Variants in CLRN1 observed in about 807,000 individuals in gnomAD.
CLRN1 encodes clarin 1, also known as clarin-1.
CLRN1 carries 15 observed loss-of-function variants against 18.7 expected under a neutral mutation model. The observed-to-expected ratio is 0.80, with a 90% CI of 0.54 to 1.23. The LOEUF (loss-of-function observed/expected upper bound fraction) is 1.23. Ranked by LOEUF, CLRN1 falls within the 50% of genes most tolerant of loss-of-function variation. The pLI is 0.00. For synonymous variants in CLRN1, 104 were observed against 102.9 expected (o/e 1.01, Z -0.07); for missense variants, 311 against 277.5 (o/e 1.12, Z -0.86).
intron 2 of CLRN1, among the ~76,000 whole-genome samples, chr3:150,934,407 G>C (rs1156587664): frequency 6.6e-6 from 1 of 152,210 alleles, no homozygotes; most frequent in Non-Finnish European, 1.5e-5. Flanking sequence ...ATGACGCTAT[G>C]TGTAAGAGAA....
chr3:150,941,717 T>C lies in CLRN1; in HGVS notation c.298A>G (p.Asn100Asp), dbSNP rs772601378. The stretch of plus-strand genomic sequence containing the variant: ...AGGATGGCAGAGAAGAGAATGACAT[T>C]GACGTGGATGCTCACTGGGATTGCT... ...LKAIPVSIHV[N>D]VILFSAILIV... is the part of the protein sequence containing the mutation. Residue 100 changes from asparagine to aspartate, a missense_variant, in exon 2 of 3, where the codon AAT becomes GAT. Physicochemically the swap from Asn to Asp is conservative, Grantham distance 23 (BLOSUM62 1). Transcript: ENST00000327047. The C allele has an allele frequency of 2.5e-6, 4 of 1,614,058 alleles. No individual in the cohort carries two copies. The highest frequency in any genetic ancestry group is 3.4e-6 in the Non-Finnish European group (4 of 1,179,950).
intron 1 of CLRN1, among the ~76,000 whole-genome samples, chr3:150,945,219 G>A (rs1714102551): frequency 6.6e-6 from 1 of 152,216 alleles, no homozygotes; most frequent in Non-Finnish European, 1.5e-5. Context: ...AGAAGCTGTA[G>A]TTCAAGAGAG....
intron 1 of CLRN1, chr3:150,943,995 C>A (rs1369117466): frequency 8.1e-7 from 1 of 1,237,316 alleles, no homozygotes; most frequent in South Asian, 1.3e-5. Context: ...AAATAGCCTG[C>A]ATCAACAACA....
intron 1 of CLRN1, among the ~76,000 whole-genome samples, chr3:150,971,561 A>C (rs1715535684): frequency 6.6e-6 from 1 of 152,182 alleles, no homozygotes; most frequent in African/African-American, 2.4e-5. Flanking sequence ...TAAATGCTTC[A>C]GTTGGTAACC....
At chr3:150,972,870 A>G (rs774136059), upstream of CLRN1, 6 of 894,462 alleles carry the variant, frequency 6.7e-6, no homozygotes, top group African/African-American at 5.0e-5. Flanking sequence ...GTTAAATGTC[A>G]GTAGATGAAG....
intron 1 of CLRN1, among the ~76,000 whole-genome samples, chr3:150,965,593 AG>A (rs1256427655): frequency 6.6e-6 from 1 of 152,210 alleles, no homozygotes; most frequent in Non-Finnish European, 1.5e-5. Context: ...AAATTAGAAA[AG>A]AAAGCAGAGC....
At chr3:150,959,350 C>T (rs189794307) in intron 1 of CLRN1, among the ~76,000 whole-genome samples, 12 of 152,138 alleles carry the variant, frequency 7.9e-5, no homozygotes, top group South Asian at 2.1e-4. Flanking sequence ...AGGTTACAGC[C>T]GGGCTTGGTG....
chr3:150,930,335 G>T (rs1171251561), intron 2 of CLRN1, among the ~76,000 whole-genome samples: 1 of 152,160 alleles, frequency 6.6e-6, no homozygotes, highest in African/African-American at 2.4e-5. Flanking sequence ...GCTGGGTTTG[G>T]GGTAGAGGCA....
intron 1 of CLRN1, chr3:150,943,956 C>T: frequency 6.4e-7 from 1 of 1,568,124 alleles, no homozygotes; most frequent in African/African-American, 1.3e-5. Context: ...TGGGGTACCC[C>T]TGTTGGGAGT....
Position 150,943,875 on chromosome 3 carries a change from CA to C in CLRN1, c.254-2115del, listed in dbSNP as rs1032160668. On this transcript the variant is annotated intron_variant, in intron 1 of 2. Coordinates refer to ENST00000327047, the MANE Select transcript of CLRN1 (RefSeq NM_174878.3). The stretch of plus-strand genomic sequence containing the variant: ...TTACTCCTCACAGCACTAAAGCAGC[CA>C]GCTGGTTCCTGCACTCGTTCACTCG... 12 of 1,614,016 alleles carry C rather than the reference CA, an allele frequency of 7.4e-6. No individual in the cohort carries two copies. In the African/African-American group the frequency reaches 1.5e-4, roughly 20 times the overall value.
At chr3:150,936,948 A>T (rs1000213647) in intron 2 of CLRN1, among the ~76,000 whole-genome samples, 5 of 152,138 alleles carry the variant, frequency 3.3e-5, no homozygotes, top group Admixed American at 6.6e-5. Context: ...GAACTCAGCT[A>T]TTGGAGCAGT....
chr3:150,943,884 C>A (rs1452368748), intron 1 of CLRN1: 1 of 1,614,078 alleles, frequency 6.2e-7, no homozygotes, highest in South Asian at 1.1e-5. Context: ...CCAGCTGGTT[C>A]CTGCACTCGT....
rs537723571 is a variant in CLRN1 at position 150,927,801 on chromosome 3, G to A, written c.*135C>T. 12 of 1,122,396 alleles carry A rather than the reference G, an allele frequency of 1.1e-5. No individual in the cohort carries two copies. The highest frequency in any genetic ancestry group is 9.4e-5 in the Admixed American group (5 of 53,414). 69.5% of individuals were successfully genotyped at this position (1,122,396 alleles called of 1,614,324 possible). ...ACTTTCCAGCCTGTATCCTTAGTAC[G>A]TAATTTGTAAACATTGTCACGAAGG... On this transcript the variant is annotated 3_prime_UTR_variant, in exon 3 of 3. Transcript: ENST00000327047.
chr3:150,935,927 G>C (rs1307996615), intron 2 of CLRN1, among the ~76,000 whole-genome samples: 1 of 150,486 alleles, frequency 6.6e-6, no homozygotes, highest in Non-Finnish European at 1.5e-5. Context: ...GTGTTTTTTG[G>C]CTGCATAAAT....
At chr3:150,964,165 T>C (rs1332607937) in intron 1 of CLRN1, among the ~76,000 whole-genome samples, 1 of 152,070 alleles carries the variant, frequency 6.6e-6, no homozygotes, top group East Asian at 1.9e-4. Flanking sequence ...AATCTACCCA[T>C]CTGACAAAGG....
At chr3:150,960,093 TTCA>T (rs1714953133) in intron 1 of CLRN1, among the ~76,000 whole-genome samples, 1 of 152,172 alleles carries the variant, frequency 6.6e-6, no homozygotes. Flanking sequence ...AAGTTTAAAA[TTCA>T]TCTGGTTTTG....
At chr3:150,957,207 A>G (rs1325677608) in intron 1 of CLRN1, among the ~76,000 whole-genome samples, 1 of 151,368 alleles carries the variant, frequency 6.6e-6, no homozygotes, top group Admixed American at 6.6e-5. Flanking sequence ...TCTTCTTAGT[A>G]CAGAATTATA....
rs184727934 is a variant in CLRN1, at chr3:150,969,605, C to T, written c.253+2851G>A. ...GCCTCCCAAAAGTTGGGATTACAGG[C>T]GTGAGCCACTGCACCCGGCCTGCTT... is the stretch of plus-strand genomic sequence containing the variant. On this transcript the variant is annotated intron_variant, in intron 1 of 2. Transcript: ENST00000327047. Among the ~76,000 whole-genome samples the T allele has an allele frequency of 2.0e-4, 31 of 152,068 alleles. No homozygotes were observed. The East Asian group carries it at 4.3e-3, about 21-fold the overall frequency.
At chr3:150,943,750 C>T (rs1713993080) in intron 1 of CLRN1, 1 of 1,611,710 alleles carries the variant, frequency 6.2e-7, no homozygotes, top group Non-Finnish European at 8.5e-7. Flanking sequence ...ACACTGCTGT[C>T]CACAGATGGC....
Sources: allele counts gnomAD v4.1 joint callset (sites outside exome capture counted in the v4.1 genomes callset), GRCh38; gene constraint gnomAD v4.1.1; transcripts MANE v1.5; gene names NCBI Gene and HGNC (gene_info 2026-07-23, HGNC 2026-07-21).